The following ALDH2 variants were observed in gnomAD, a reference collection of about 807,000 sequenced individuals.
ALDH2 encodes the protein aldehyde dehydrogenase 2 family member, also known as aldehyde dehydrogenase, mitochondrial.
ALDH2 carries 44 observed loss-of-function variants against 59.6 expected under a neutral mutation model. The observed-to-expected ratio is 0.74, with a 90% confidence interval of 0.58 to 0.95. The LOEUF (loss-of-function observed/expected upper bound fraction) is 0.95. Among genes scored for constraint, ALDH2 ranks in the 40% least tolerant of loss-of-function variants. The pLI, the probability that ALDH2 is intolerant of heterozygous loss-of-function variation, is 0.00. For missense variants in ALDH2, 570 were observed against 696.3 expected, an observed-to-expected ratio of 0.82 and a Z score of 2.04; for synonymous variants, 291 against 284.0, an observed-to-expected ratio of 1.02 and a Z score of -0.25.
At position 111,815,557 on chromosome 12, in the gene ALDH2, C is replaced by T. The variant is rs2068564438; in HGVS notation, c.*5982C>T. 6.6e-6 allele frequency: 1 copy of T among 152,112 alleles called. No homozygotes were observed. The highest frequency in any genetic ancestry group is 1.5e-5 in the Non-Finnish European group (1 of 68,008). 9.4% of individuals were successfully genotyped at this position (152,112 alleles called of 1,614,324 possible). ...TATGAGACAGCACCTGACCTACAGCCATCTATGACTCCTACTGTATCTTCC... is the reference window on the plus strand; with the variant it reads ...TATGAGACAGCACCTGACCTACAGCTATCTATGACTCCTACTGTATCTTCC... On this transcript the variant is annotated 3_prime_UTR_variant, in exon 13 of 13. Coordinates refer to ENST00000261733, the MANE Select transcript of ALDH2 (RefSeq NM_000690.4).
intron 4 of ALDH2, among the ~76,000 whole-genome samples, chr12:111,785,613 A>G (rs2068303649): frequency 6.6e-6 from 1 of 152,118 alleles, no homozygotes; most frequent in Non-Finnish European, 1.5e-5. Flanking sequence ...AATACCAGCT[A>G]CTCAGGAGGC....
At chr12:111,770,341 C>A (rs892342488) in intron 1 of ALDH2, among the ~76,000 whole-genome samples, 1 of 152,108 alleles carries the variant, frequency 6.6e-6, no homozygotes, top group Non-Finnish European at 1.5e-5. Flanking sequence ...TGATCAAACT[C>A]CATTTGATAT....
Position 111,789,922 on chromosome 12 carries a change from G to A in ALDH2, c.540G>A (p.Gly180=), listed in dbSNP as rs753847903. ...YTRHEPVGVC[G]QIIPWNFPLL... ...GCCATGAACCTGTGGGGGTGTGCGG[G>A]CAGATCATTCCGGTGAGTCCAGCCT... is the stretch of plus-strand genomic sequence containing the variant. The change falls in exon 5 of 13, where the codon GGG becomes GGA. Residue 180 remains glycine (G), a synonymous_variant. Coordinates refer to ENST00000261733, the MANE Select transcript of ALDH2 (RefSeq NM_000690.4). 3.7e-6 allele frequency: 6 copies of A among 1,614,020 alleles called. No individual in the cohort carries two copies. The highest frequency in any genetic ancestry group is 5.1e-6 in the Non-Finnish European group (6 of 1,180,008).
In ALDH2 at chr12:111,813,593, A is replaced by G. The variant is rs2068551105; in HGVS notation, c.*4018A>G. ...AGTCAATAGATGAATGGACAGACAA[A>G]ATGTGACATATCCATGCAGTGGAAT... is the stretch of plus-strand genomic sequence containing the variant. On this transcript the variant is annotated 3_prime_UTR_variant, in exon 13 of 13. Coordinates refer to ENST00000261733, the MANE Select transcript of ALDH2 (RefSeq NM_000690.4). 6.6e-6 allele frequency: 1 copy of G among 152,244 alleles called. No homozygotes were observed. Among genetic ancestry groups the G allele is most frequent in the African/African-American group, 2.4e-5 (1 of 41,464 alleles). The allele number at this position is 152,244 out of a possible 1,614,324, so 9.4% of individuals were successfully genotyped here.
In ALDH2 at chr12:111,811,082, A is replaced by T. The variant is rs2068532030; in HGVS notation, c.*1507A>T. The T allele has an allele frequency of 6.6e-6, 1 of 151,938 alleles. No homozygotes were observed. The highest frequency in any genetic ancestry group is 1.5e-5 in the Non-Finnish European group (1 of 68,036). The allele number at this position is 151,938 out of a possible 1,614,324, so 9.4% of individuals were successfully genotyped here. On this transcript the variant is annotated 3_prime_UTR_variant, in exon 13 of 13. Transcript: ENST00000261733. ...CCGGGCACAGTGGCTCACGCCTATA[A>T]TTCCAGCACTTTGGGAGGCCAAGGT...
intron 7 of ALDH2, 146 bp from the exon 8 acceptor site, chr12:111,791,915 G>A: frequency 1.5e-6 from 1 of 655,124 alleles, no homozygotes; most frequent in South Asian, 1.7e-5. Context: ...GAAAAAAAAA[G>A]TGAACGTCTA....
At position 111,789,937 on chromosome 12, in the gene ALDH2, G is replaced by A; in HGVS notation, c.552+3G>A. ...GGGTGTGCGGGCAGATCATTCCGGT[G>A]AGTCCAGCCTCCCTGGAGTTTCTTC... On this transcript the variant is annotated splice_donor_region_variant and intron_variant, in intron 5 of 12. Coordinates refer to ENST00000261733, the MANE Select transcript of ALDH2 (RefSeq NM_000690.4). 6.2e-7 allele frequency: 1 copy of A among 1,613,278 alleles called. No homozygotes were observed. The highest frequency in any genetic ancestry group is 8.5e-7 in the Non-Finnish European group (1 of 1,179,322).
chr12:111,801,492 A>C (rs2136025294), intron 11 of ALDH2, among the ~76,000 whole-genome samples: 2 of 152,116 alleles, frequency 1.3e-5, no homozygotes, highest in East Asian at 3.9e-4. Context: ...TGAGGTCAAG[A>C]GTTTGAGACC....
intron 12 of ALDH2, among the ~76,000 whole-genome samples, chr12:111,807,331 C>T (rs1372104274): frequency 6.6e-6 from 1 of 151,964 alleles, no homozygotes. Context: ...CACCATAAAG[C>T]TATGACAAAG....
At chr12:111,782,991 G>A (rs2068283704) in intron 2 of ALDH2, among the ~76,000 whole-genome samples, 167 bp from the exon 3 acceptor site, 1 of 152,230 alleles carries the variant, frequency 6.6e-6, no homozygotes, top group African/African-American at 2.4e-5. Context: ...CATTGCTGAA[G>A]TCTGGTGCTC....
chr12:111,767,009 GC>G lies in ALDH2; in HGVS notation c.31del (p.Arg11AlafsTer31). On this transcript the variant is annotated frameshift_variant, in exon 1 of 13. Transcript: ENST00000261733. LOFTEE classifies it high-confidence loss of function. Reference sequence around the variant, plus strand: ...TGTTGCGCGCTGCCGCCCGCTTCGGGCCCCGCCTGGGCCGCCGCCTCTTGTC... The same window carrying G: ...TGTTGCGCGCTGCCGCCCGCTTCGGGCCCGCCTGGGCCGCCGCCTCTTGTC... MLRAAARFG[P>X]RLGRRLLSAA... The G allele has an allele frequency of 2.0e-6, 3 of 1,523,188 alleles. No individual in the cohort carries two copies. The highest frequency in any genetic ancestry group is 3.9e-4 in the Middle Eastern group (2 of 5,086). The allele number at this position is 1,523,188 out of a possible 1,614,324, so 94.4% of individuals were successfully genotyped here. A position where few individuals can be genotyped will look rare whatever the true frequency, so the allele number is the denominator to read the frequency against.
rs574259526 is a variant in ALDH2 at position 111,783,184 on chromosome 12, C to T, written c.246C>T (p.Ala82=). ...AAGATGTGGACAAGGCAGTGAAGGC[C>T]GCCCGGGCCGCCTTCCAGCTGGGCT... The part of the protein sequence containing the change: ...DKEDVDKAVK[A]ARAAFQLGSP... Residue 82 remains alanine (A), a synonymous_variant, in exon 3 of 13, where the codon GCC becomes GCT. Coordinates refer to ENST00000261733, the MANE Select transcript of ALDH2 (RefSeq NM_000690.4). 29 of 1,612,746 alleles carry T rather than the reference C, an allele frequency of 1.8e-5. No individual in the cohort carries two copies. The highest frequency in any genetic ancestry group is 1.7e-4 in the Middle Eastern group (1 of 6,060).
At chr12:111,777,420 A>G (rs1272506662) in intron 1 of ALDH2, among the ~76,000 whole-genome samples, 3 of 152,102 alleles carry the variant, frequency 2.0e-5, no homozygotes, top group African/African-American at 7.2e-5. Flanking sequence ...GGGATAGTAC[A>G]AGGCCAACCA....
At chr12:111,794,155 AC>A (rs1317158569) in intron 9 of ALDH2, among the ~76,000 whole-genome samples, 9 of 150,024 alleles carry the variant, frequency 6.0e-5, no homozygotes, top group Admixed American at 3.4e-4. Context: ...AGTAGCTGGG[AC>A]TTACAGGTGC....
chr12:111,785,373 G>T, intron 4 of ALDH2, 27 bp downstream of exon 4: 1 of 1,598,204 alleles, frequency 6.3e-7, no homozygotes, highest in Non-Finnish European at 8.6e-7. Flanking sequence ...CCTGTTCTTT[G>T]TTCTGGCAGG....
At chr12:111,783,333 T>C (rs2068287716) in intron 3 of ALDH2, 35 bp downstream of exon 3, 3 of 1,575,200 alleles carry the variant, frequency 1.9e-6, no homozygotes, top group Admixed American at 1.8e-5. Context: ...TCAGATCCCA[T>C]GTGGTGAATA....
At chr12:111,774,437 G>A (rs1056958120) in intron 1 of ALDH2, among the ~76,000 whole-genome samples, 7 of 152,148 alleles carry the variant, frequency 4.6e-5, no homozygotes, top group African/African-American at 1.4e-4. Context: ...AGCACATGCC[G>A]TTGGGATCAT....
At chr12:111,799,841 TGA>T (rs762717506) in intron 10 of ALDH2, 63 bp from the exon 11 acceptor site, 5 of 1,556,652 alleles carry the variant, frequency 3.2e-6, no homozygotes, top group Non-Finnish European at 4.4e-6. Flanking sequence ...TGTTCTGCTC[TGA>T]GAGAGCTCGA....
chr12:111,792,876 G>T, intron 9 of ALDH2, 94 bp downstream of exon 9: 1 of 1,344,080 alleles, frequency 7.4e-7, no homozygotes, highest in Non-Finnish European at 1.0e-6. Context: ...CTGGGTTCAG[G>T]TCTCAGCTCT....
Sources: gnomAD v4.1 joint callset for allele counts (sites outside exome capture counted in the v4.1 genomes callset) on GRCh38, gnomAD v4.1.1 for gene constraint, MANE v1.5 for transcripts, NCBI Gene and HGNC (gene_info 2026-07-23, HGNC 2026-07-21) for gene names.